Variants in DPP6 observed in about 807,000 individuals in gnomAD.
DPP6 encodes the protein A-type potassium channel modulatory protein DPP6.
A neutral mutation model predicts 122.6 loss-of-function variants in DPP6; 69 were observed. The observed-to-expected ratio is 0.56, with a 90% CI of 0.46 to 0.69. DPP6 has a LOEUF of 0.69. Ranked by LOEUF, DPP6 falls within the 30% of genes least tolerant of loss-of-function variation. DPP6 has a pLI of 0.00. For synonymous variants in DPP6, 418 were observed against 433.1 expected (o/e 0.97, Z 0.43); for missense variants, 928 against 1,116.9 (o/e 0.83, Z 2.41).
chr7:154,405,044 T>C (rs1586176618), intron 1 of DPP6, among the ~76,000 whole-genome samples: 1 of 152,386 alleles, frequency 6.6e-6, no homozygotes, highest in Non-Finnish European at 1.5e-5. Flanking sequence ...TGTGTACACA[T>C]ATACGTATGC....
At chr7:154,440,643 G>A (rs987944266) in intron 1 of DPP6, among the ~76,000 whole-genome samples, 4 of 152,170 alleles carry the variant, frequency 2.6e-5, no homozygotes, top group South Asian at 2.1e-4. Flanking sequence ...TTTTGGGAGC[G>A]AGACATTGTC....
intron 1 of DPP6, among the ~76,000 whole-genome samples, chr7:154,042,017 A>G (rs1366193599): frequency 6.6e-6 from 1 of 152,166 alleles, no homozygotes; most frequent in Non-Finnish European, 1.5e-5. Context: ...TCGGCCTCCC[A>G]AAGTGCTGAG....
chr7:154,088,190 TA>T (rs1259577448), intron 1 of DPP6, among the ~76,000 whole-genome samples: 3 of 152,160 alleles, frequency 2.0e-5, no homozygotes, highest in Admixed American at 6.5e-5. Context: ...AGTCCTTGAC[TA>T]TCTTTTAGGG....
intron 1 of DPP6, among the ~76,000 whole-genome samples, chr7:154,413,413 A>G (rs912788203): frequency 6.6e-6 from 1 of 152,218 alleles, no homozygotes; most frequent in Non-Finnish European, 1.5e-5. Flanking sequence ...CAAAAGGCTG[A>G]CATGCAAAGA....
intron 7 of DPP6, among the ~76,000 whole-genome samples, chr7:154,709,199 A>T (rs1024465242): frequency 2.6e-5 from 4 of 152,182 alleles, no homozygotes; most frequent in Non-Finnish European, 5.9e-5. Flanking sequence ...AACAAAGTTG[A>T]TTTGTGTATG....
intron 2 of DPP6, among the ~76,000 whole-genome samples, chr7:154,473,465 T>C (rs972533331): frequency 6.6e-6 from 1 of 152,184 alleles, no homozygotes; most frequent in African/African-American, 2.4e-5. Context: ...AGTAACCCTA[T>C]TTGATATTCA....
intron 5 of DPP6, among the ~76,000 whole-genome samples, chr7:154,597,400 G>A (rs1833162641): frequency 1.3e-5 from 2 of 151,968 alleles, no homozygotes; most frequent in South Asian, 2.1e-4. Flanking sequence ...TCAGGAGATC[G>A]AGACCATCCT....
chr7:154,413,055 C>A (rs911690709), intron 1 of DPP6, among the ~76,000 whole-genome samples: 24 of 152,202 alleles, frequency 1.6e-4, no homozygotes, highest in Non-Finnish European at 3.5e-4. Context: ...CCATCCCAGC[C>A]CTCCTGAGGG....
intron 1 of DPP6, among the ~76,000 whole-genome samples, chr7:154,102,586 C>T (rs1056699078): frequency 6.6e-6 from 1 of 152,162 alleles, no homozygotes; most frequent in African/African-American, 2.4e-5. Flanking sequence ...TCCTTGTTCT[C>T]AAGTTGTCTC....
intron 1 of DPP6, among the ~76,000 whole-genome samples, chr7:154,296,629 G>A (rs553600685): frequency 6.6e-6 from 1 of 152,318 alleles, no homozygotes; most frequent in South Asian, 2.1e-4. Flanking sequence ...TAAGGGAAGT[G>A]CCTTTTAGGA....
At chr7:154,464,820 A>G (rs1821645868) in intron 2 of DPP6, among the ~76,000 whole-genome samples, 1 of 152,224 alleles carries the variant, frequency 6.6e-6, no homozygotes. Flanking sequence ...AAAATATGCC[A>G]AAATAATATA....
In DPP6 at chr7:154,280,256, G is replaced by A. The variant is rs117038174; in HGVS notation, c.244-165958G>A. On this transcript the variant is annotated intron_variant, in intron 1 of 25. Coordinates refer to ENST00000377770, the MANE Select transcript of DPP6 (RefSeq NM_130797.4). ...TTGGACTAAAATGCAAACGTCACTT[G>A]TAAATCTATTCCTTTGGGCTTCATG... Among the ~76,000 whole-genome samples, 775 of 152,286 alleles carry A rather than the reference G, an allele frequency of 5.1e-3. 5 individuals are homozygous for A. Among genetic ancestry groups the A allele is most frequent in the Non-Finnish European group, 8.3e-3 (566 of 68,022 alleles).
At chr7:153,753,080 C>A in the DPP6 span, among the ~76,000 whole-genome samples, 245 of 151,992 alleles carry the variant, frequency 1.6e-3, 1 homozygote, top group African/African-American at 5.6e-3. Context: ...ATCTAAAATT[C>A]TTCGCTCTAT....
At position 154,313,691 on chromosome 7, in the gene DPP6, A is replaced by C. The variant is rs199523747; in HGVS notation, c.244-132523A>C. On this transcript the variant is annotated intron_variant, in intron 1 of 25. Transcript: ENST00000377770. Reference sequence around the variant, plus strand: ...CAAGATATTTTAAGATATGGTATATATATATATATATATATATATATATAC... The same window carrying C: ...CAAGATATTTTAAGATATGGTATATCTATATATATATATATATATATATAC... Among the ~76,000 whole-genome samples the C allele has an allele frequency of 1.2e-4, 3 of 25,246 alleles. 1 individual carries two copies. The highest frequency in any genetic ancestry group is 4.4e-4 in the Admixed American group (1 of 2,260). The allele number at this position is 25,246 out of a possible 152,430, so 16.6% of individuals were successfully genotyped here.
chr7:154,421,421 C>T (rs1041664459), intron 1 of DPP6, among the ~76,000 whole-genome samples: 15 of 151,614 alleles, frequency 9.9e-5, no homozygotes, highest in African/African-American at 4.8e-5. Context: ...CTCCCAGGTT[C>T]AACCAATTCT....
chr7:154,278,780 G>A (rs1050699242), intron 1 of DPP6, among the ~76,000 whole-genome samples: 2 of 152,164 alleles, frequency 1.3e-5, no homozygotes, highest in Non-Finnish European at 2.9e-5. Flanking sequence ...TGATATGTGT[G>A]CACTCTTGTA....
chr7:154,512,538 A>C (rs1053755447), intron 3 of DPP6, among the ~76,000 whole-genome samples: 2 of 152,224 alleles, frequency 1.3e-5, no homozygotes, highest in African/African-American at 4.8e-5. Context: ...CCTCATTTAC[A>C]TTGCAATGAG....
intron 3 of DPP6, among the ~76,000 whole-genome samples, chr7:154,497,120 C>T (rs1018168764): frequency 6.6e-6 from 1 of 152,106 alleles, no homozygotes; most frequent in Non-Finnish European, 1.5e-5. Flanking sequence ...AGCTCAATAC[C>T]AGGCAGAACT....
chr7:154,255,979 CAT>C (rs1317470383), intron 1 of DPP6, among the ~76,000 whole-genome samples: 1 of 151,212 alleles, frequency 6.6e-6, no homozygotes, highest in African/African-American at 2.5e-5. Context: ...CTGAAGACCA[CAT>C]GAGATAAATA....
Sources: allele counts gnomAD v4.1 joint callset (sites outside exome capture counted in the v4.1 genomes callset), GRCh38; gene constraint gnomAD v4.1.1; transcripts MANE v1.5; gene names NCBI Gene and HGNC (gene_info 2026-07-23, HGNC 2026-07-21).